The following GBP6 variants were observed in gnomAD, a reference collection of about 807,000 sequenced individuals.
GBP6 encodes guanylate-binding protein 6.
A neutral mutation model predicts 61.5 loss-of-function variants in GBP6; 54 were observed. The observed-to-expected ratio is 0.88, with a 90% CI of 0.71 to 1.10. The LOEUF (loss-of-function observed/expected upper bound fraction) is 1.10. Among genes scored for constraint, GBP6 ranks in the 50% least tolerant of loss-of-function variants. GBP6 has a pLI of 0.00. For missense variants in GBP6, 748 were observed against 752.8 expected, an observed-to-expected ratio of 0.99 and a Z score of 0.07; for synonymous variants, 255 against 273.7, an observed-to-expected ratio of 0.93 and a Z score of 0.67.
Position 89,385,318 on chromosome 1 carries a change from C to G in GBP6, c.1751C>G (p.Thr584Ser). The G allele has an allele frequency of 6.2e-7, 1 of 1,614,060 alleles. No homozygotes were observed. Among genetic ancestry groups the G allele is most frequent in the Non-Finnish European group, 8.5e-7 (1 of 1,179,964 alleles). ...AGTCAATTTAAACGTATGATTGATA[C>G]TACAAAAAATGATGATACTCCCTGG... ...EISQFKRMIDTTKNDDTPWIA... is the reference protein window; with the variant it reads ...EISQFKRMIDSTKNDDTPWIA... Residue 584 changes from threonine (T) to serine (S), a missense_variant, in exon 11 of 11, where the codon ACT (threonine) becomes AGT (serine). Physicochemically the swap from Thr to Ser is moderately conservative, Grantham distance 58 (BLOSUM62 1). Transcript: ENST00000370456.
intron 1 of GBP6, among the ~76,000 whole-genome samples, chr1:89,367,040 T>A (rs1301655982): frequency 6.6e-6 from 1 of 152,250 alleles, no homozygotes; most frequent in Non-Finnish European, 1.5e-5. Context: ...CAACATTTTG[T>A]TCATCTATTC....
intron 3 of GBP6, among the ~76,000 whole-genome samples, chr1:89,375,145 C>G (rs1343011536): frequency 6.6e-6 from 1 of 152,090 alleles, no homozygotes; most frequent in Non-Finnish European, 1.5e-5. Flanking sequence ...TGTTTATGTA[C>G]CACATTTTAT....
intron 3 of GBP6, among the ~76,000 whole-genome samples, chr1:89,374,552 C>T (rs376683138): frequency 2.0e-5 from 3 of 152,186 alleles, no homozygotes; most frequent in East Asian, 3.9e-4. Flanking sequence ...CAAAAAACAG[C>T]AAATGTTCTC....
intron 3 of GBP6, among the ~76,000 whole-genome samples, chr1:89,377,657 A>G (rs1652843730): frequency 6.6e-6 from 1 of 152,362 alleles, no homozygotes; most frequent in African/African-American, 2.4e-5. Context: ...TTTTCTAAAC[A>G]TAAGAACAGT....
chr1:89,377,084 G>A (rs1025391644), intron 3 of GBP6, among the ~76,000 whole-genome samples: 1 of 152,132 alleles, frequency 6.6e-6, no homozygotes, highest in Non-Finnish European at 1.5e-5. Flanking sequence ...GAAATCTCTA[G>A]ATCTCAGTTT....
Position 89,380,610 on chromosome 1 carries a change from G to C in GBP6, c.850G>C (p.Gly284Arg). The C allele has an allele frequency of 6.2e-7, 1 of 1,613,730 alleles. No individual in the cohort carries two copies. Among genetic ancestry groups the C allele is most frequent in the Non-Finnish European group, 8.5e-7 (1 of 1,179,706 alleles). The change falls in exon 6 of 11, where the codon GGA becomes CGA. Residue 284 changes from glycine to arginine, a missense_variant. Gly to Arg is a moderately radical substitution (Grantham distance 125). Coordinates refer to ENST00000370456, the MANE Select transcript of GBP6 (RefSeq NM_198460.3). ...TGCAAGAACCAAGACCCTCAGGGAGGGAATCACAGTCACTGGGAATCGTGA... is the reference window on the plus strand; with the variant it reads ...TGCAAGAACCAAGACCCTCAGGGAGCGAATCACAGTCACTGGGAATCGTGA... ...THARTKTLRE[G>R]ITVTGNRLGT...
In GBP6 at chr1:89,382,847, T is replaced by C. The variant is rs777752713; in HGVS notation, c.1336T>C (p.Tyr446His). 1.2e-6 allele frequency: 2 copies of C among 1,613,816 alleles called. No homozygotes were observed. The highest frequency in any genetic ancestry group is 1.7e-5 in the Admixed American group (1 of 60,004). ...AACAAAGGAAAGGATTGAACAGGAC[T>C]ATTGGCAAGTTCCCAGGAAAGGAGT... ...METKERIEQD[Y>H]WQVPRKGVKA... is the part of the protein sequence containing the mutation. Residue 446 changes from tyrosine (Y) to histidine (H), a missense_variant, in exon 8 of 11, where the codon TAT (tyrosine) becomes CAT (histidine). Tyr to His is a moderately conservative substitution (Grantham distance 83). Transcript: ENST00000370456.
chr1:89,381,595 C>T (rs1041947157), intron 6 of GBP6, 99 bp from the exon 7 acceptor site: 36 of 1,189,578 alleles, frequency 3.0e-5, no homozygotes, highest in Admixed American at 2.9e-4. Context: ...TGTGTGCACG[C>T]GCGTGTATGT....
chr1:89,380,944 T>C (rs1271518844), intron 6 of GBP6, among the ~76,000 whole-genome samples: 1 of 152,172 alleles, frequency 6.6e-6, no homozygotes, highest in Non-Finnish European at 1.5e-5. Context: ...GTCCTATGTG[T>C]TCAGTATTCT....
At chr1:89,371,308 T>A (rs1652633901) in intron 3 of GBP6, among the ~76,000 whole-genome samples, 1 of 152,214 alleles carries the variant, frequency 6.6e-6, no homozygotes, top group Non-Finnish European at 1.5e-5. Flanking sequence ...TAACTCATTT[T>A]ATGAGGCCAG....
rs1652948537 is a variant in GBP6 at position 89,380,583 on chromosome 1, C to T, written c.823C>T (p.His275Tyr). 2 of 1,613,674 alleles carry T rather than the reference C, an allele frequency of 1.2e-6. No homozygotes were observed. The highest frequency in any genetic ancestry group is 1.7e-6 in the Non-Finnish European group (2 of 1,179,570). The change falls in exon 6 of 11, where the codon CAT becomes TAT. Residue 275 changes from histidine to tyrosine, a missense_variant. His to Tyr is a moderately conservative substitution (Grantham distance 83, BLOSUM62 2). Transcript: ENST00000370456. ...CATTTTCTGTTCTTACATCTTCACT[C>T]ATGCAAGAACCAAGACCCTCAGGGA... Reference protein sequence around the residue: ...TNIFCSYIFTHARTKTLREGI... With the variant: ...TNIFCSYIFTYARTKTLREGI...
At chr1:89,374,732 A>G (rs2100664205) in intron 3 of GBP6, among the ~76,000 whole-genome samples, 1 of 152,218 alleles carries the variant, frequency 6.6e-6, no homozygotes, top group East Asian at 1.9e-4. Flanking sequence ...TTCTTTTGAG[A>G]AATGTGTATT....
intron 10 of GBP6, among the ~76,000 whole-genome samples, chr1:89,384,895 C>T (rs1441345254): frequency 6.6e-6 from 1 of 152,188 alleles, no homozygotes; most frequent in Non-Finnish European, 1.5e-5. Flanking sequence ...TTTTGGTATT[C>T]CTACAATATG....
chr1:89,382,117 T>A, intron 7 of GBP6, 143 bp downstream of exon 7: 4 of 824,036 alleles, frequency 4.9e-6, no homozygotes, highest in Non-Finnish European at 1.9e-6. Context: ...TTCAAAAGAC[T>A]ACATATAAGC....
Position 89,378,532 on chromosome 1 carries a change from G to A in GBP6, c.544G>A (p.Asp182Asn), listed in dbSNP as rs868586989. The change falls in exon 5 of 11, where the codon GAT (aspartate) becomes AAT (asparagine). Residue 182 changes from aspartate to asparagine, a missense_variant. By Grantham distance (23) the Asp-to-Asn change is conservative. Transcript: ENST00000370456. ...FFPDFLWTVR[D>N]FTLELKLNGH... ...CCCAGACTTTCTTTGGACAGTACGG[G>A]ATTTCACTCTGGAGCTGAAGTTGAA... The A allele has an allele frequency of 6.2e-7, 1 of 1,614,090 alleles. No individual in the cohort carries two copies.
intron 3 of GBP6, 36 bp from the exon 4 acceptor site, chr1:89,378,067 A>G: frequency 6.4e-7 from 1 of 1,559,804 alleles, no homozygotes; most frequent in Non-Finnish European, 8.8e-7. Context: ...TCTAAAGACT[A>G]CACTCCTAAG....
rs758138994 is a variant in GBP6, at chr1:89,385,391, G to T, written c.1824G>T (p.Leu608Phe). ...TTGCCGATGAGCTAACTGCAATATT[G>T]TCTGCTCCTGCTAAATTAATTGGTC... ...DNLADELTAI[L>F]SAPAKLIGHG... Residue 608 changes from leucine (L) to phenylalanine (F), a missense_variant, in exon 11 of 11, where the codon TTG becomes TTT. Coordinates refer to ENST00000370456, the MANE Select transcript of GBP6 (RefSeq NM_198460.3). 43 of 1,613,996 alleles carry T rather than the reference G, an allele frequency of 2.7e-5. No individual in the cohort carries two copies. The Admixed American group carries it at 6.8e-4, about 26-fold the overall frequency.
At chr1:89,380,244 C>T in intron 5 of GBP6, 142 bp from the exon 6 acceptor site, 4 of 664,682 alleles carry the variant, frequency 6.0e-6, no homozygotes, top group South Asian at 5.9e-5. Context: ...TCAATGTGCA[C>T]AGAAGTATTT....
Position 89,378,310 on chromosome 1 carries a change from T to C in GBP6, c.428+98T>C. ...TCCTTCCCTTTGATGTAATTACCTG[T>C]GGTGCAGCACAGGGAACCCAAGACA... On this transcript the variant is annotated intron_variant, in intron 4 of 10. Transcript: ENST00000370456. 2.0e-6 allele frequency: 3 copies of C among 1,515,522 alleles called. No homozygotes were observed. In the South Asian group the frequency reaches 3.5e-5, roughly 18 times the overall value. 93.9% of individuals were successfully genotyped at this position (1,515,522 alleles called of 1,614,324 possible).
Sources: gnomAD v4.1 joint callset for allele counts (sites outside exome capture counted in the v4.1 genomes callset) on GRCh38, gnomAD v4.1.1 for gene constraint, MANE v1.5 for transcripts, NCBI Gene and HGNC (gene_info 2026-07-23, HGNC 2026-07-21) for gene names.